The following MARK3 variants were observed in gnomAD, a reference collection of about 807,000 sequenced individuals.
The protein encoded by MARK3 is MAP/microtubule affinity-regulating kinase 3.
MARK3 carries 46 observed loss-of-function variants against 90.1 expected under a neutral mutation model. That is an observed-to-expected ratio of 0.51 (90% CI 0.40 to 0.65). The LOEUF (loss-of-function observed/expected upper bound fraction) is 0.65. MARK3 is among the 30% of genes least tolerant of loss of function. The pLI, the probability that MARK3 is intolerant of heterozygous loss-of-function variation, is 0.00. For missense variants in MARK3, 818 were observed against 947.2 expected (o/e 0.86, Z 1.79); for synonymous variants, 321 against 332.6 (o/e 0.97, Z 0.38).
chr14:103,502,872 TGCATTTCAGTC>T lies in MARK3; in HGVS notation c.1917-6_1921del. On this transcript the variant is annotated splice_acceptor_variant and splice_polypyrimidine_tract_variant and coding_sequence_variant and intron_variant, in exon 18 of 18. Coordinates refer to ENST00000429436, the MANE Select transcript of MARK3 (RefSeq NM_001128918.3). LOFTEE classifies it high-confidence loss of function. ...ACGATTAAAAATAAACCTGCCTCTA[TGCATTTCAGTC>T]GCAATGTATCTGCTGAGCAAAAAGA... The T allele has an allele frequency of 6.2e-7, 1 of 1,600,796 alleles. No individual in the cohort carries two copies. The highest frequency in any genetic ancestry group is 8.5e-7 in the Non-Finnish European group (1 of 1,170,406).
At chr14:103,444,075 G>C (rs2092929269) in intron 3 of MARK3, among the ~76,000 whole-genome samples, 2 of 126,040 alleles carry the variant, frequency 1.6e-5, no homozygotes, top group Admixed American at 1.9e-4. Flanking sequence ...CGTATCGGTT[G>C]GTAAAATTGT....
rs185344416 is a variant in MARK3, at chr14:103,412,399, G to A, written c.243+7132G>A. Reference sequence around the variant, plus strand: ...TTACTGCCTTTGTTAGGCCTATGCCGAGGATTCGTGGGATTTGCTTTATCA... The same window carrying A: ...TTACTGCCTTTGTTAGGCCTATGCCAAGGATTCGTGGGATTTGCTTTATCA... On this transcript the variant is annotated intron_variant, in intron 2 of 17. Coordinates refer to ENST00000429436, the MANE Select transcript of MARK3 (RefSeq NM_001128918.3). 51 of 598,364 alleles carry A rather than the reference G, an allele frequency of 8.5e-5. 1 individual carries two copies. Among genetic ancestry groups the A allele is most frequent in the Admixed American group, 6.8e-4 (27 of 39,640 alleles). 37.1% of individuals were successfully genotyped at this position (598,364 alleles called of 1,614,324 possible). A position where few individuals can be genotyped will look rare whatever the true frequency, so the allele number is the denominator to read the frequency against.
chr14:103,412,974 A>G (rs1401893856), intron 2 of MARK3, among the ~76,000 whole-genome samples: 2 of 151,292 alleles, frequency 1.3e-5, no homozygotes, highest in African/African-American at 4.9e-5. Flanking sequence ...TCCTGGGTTC[A>G]AGCAATTCTC....
intron 3 of MARK3, among the ~76,000 whole-genome samples, chr14:103,445,446 A>G (rs2092970666): frequency 1.3e-5 from 2 of 152,158 alleles, no homozygotes; most frequent in Admixed American, 6.6e-5. Flanking sequence ...CATAATTCCA[A>G]TAGAGAGGTG....
chr14:103,500,094 T>C (rs752232222), intron 16 of MARK3, 62 bp from the exon 17 acceptor site: 29 of 1,301,846 alleles, frequency 2.2e-5, no homozygotes, highest in Non-Finnish European at 3.1e-5. Context: ...GGTCATGTAC[T>C]GGCATGTAAG....
At chr14:103,396,112 CTT>C (rs2090562352) in intron 1 of MARK3, among the ~76,000 whole-genome samples, 1 of 151,970 alleles carries the variant, frequency 6.6e-6, no homozygotes, top group South Asian at 2.1e-4. Flanking sequence ...AGCCCAGAGA[CTT>C]TCCATTTTGC....
At chr14:103,446,833 G>T (rs568589846) in intron 3 of MARK3, among the ~76,000 whole-genome samples, 12 of 147,864 alleles carry the variant, frequency 8.1e-5, no homozygotes, top group African/African-American at 2.8e-4. Flanking sequence ...CAGTTGGGAA[G>T]TAATTGGGAG....
chr14:103,422,727 T>C (rs2092267145), intron 2 of MARK3, among the ~76,000 whole-genome samples: 1 of 152,174 alleles, frequency 6.6e-6, no homozygotes, highest in Admixed American at 6.5e-5. Context: ...TAGAGTATTT[T>C]AATAATAGTG....
At chr14:103,432,159 A>G (rs1180529891) in intron 3 of MARK3, among the ~76,000 whole-genome samples, 1 of 152,240 alleles carries the variant, frequency 6.6e-6, no homozygotes. Context: ...AGACTTTTCA[A>G]TGGAGAATTC....
intron 2 of MARK3, among the ~76,000 whole-genome samples, chr14:103,427,222 A>C (rs1444562405): frequency 6.6e-6 from 1 of 151,252 alleles, no homozygotes; most frequent in Non-Finnish European, 1.5e-5. Flanking sequence ...GAAACAGGCC[A>C]GGCGCTGTGG....
At chr14:103,460,480 T>A (rs950377630) in intron 6 of MARK3, among the ~76,000 whole-genome samples, 3 of 152,170 alleles carry the variant, frequency 2.0e-5, no homozygotes, top group African/African-American at 4.8e-5. Context: ...TTAGGTTAAA[T>A]CATAGTTTAA....
intron 1 of MARK3, among the ~76,000 whole-genome samples, chr14:103,403,176 A>G (rs543002315): frequency 1.3e-5 from 2 of 152,312 alleles, no homozygotes; most frequent in East Asian, 1.9e-4. Context: ...TTACATTGCA[A>G]AAAGCTTTTT....
At chr14:103,444,086 C>CTT (rs10676381) in intron 3 of MARK3, among the ~76,000 whole-genome samples, 5,169 of 116,286 alleles carry the variant, frequency 0.044, 454 homozygotes, top group African/African-American at 0.15. Context: ...GTAAAATTGT[C>CTT]TTTTTTTTTT....
At chr14:103,425,770 C>T (rs1162332906) in intron 2 of MARK3, among the ~76,000 whole-genome samples, 4 of 152,194 alleles carry the variant, frequency 2.6e-5, no homozygotes, top group South Asian at 2.1e-4. Flanking sequence ...CGCACACACT[C>T]GTTTTCCCTC....
At chr14:103,420,352 C>T (rs1324825219) in intron 2 of MARK3, among the ~76,000 whole-genome samples, 1 of 152,044 alleles carries the variant, frequency 6.6e-6, no homozygotes, top group African/African-American at 2.4e-5. Flanking sequence ...ACCTCAGCCT[C>T]CTGAGTAGCT....
At chr14:103,440,007 A>G (rs1446656087) in intron 3 of MARK3, among the ~76,000 whole-genome samples, 3 of 151,698 alleles carry the variant, frequency 2.0e-5, no homozygotes, top group Admixed American at 2.0e-4. Flanking sequence ...CTGGTCTCGA[A>G]CTCCTGACTT....
At chr14:103,494,611 C>T (rs1403043269) in intron 15 of MARK3, among the ~76,000 whole-genome samples, 2 of 136,796 alleles carry the variant, frequency 1.5e-5, no homozygotes, top group Non-Finnish European at 3.2e-5. Context: ...AAAAAGGAAA[C>T]AAGATTATCA....
chr14:103,412,961 G>A (rs1010576805), intron 2 of MARK3, among the ~76,000 whole-genome samples: 16 of 150,228 alleles, frequency 1.1e-4, no homozygotes, highest in African/African-American at 3.4e-4. Context: ...CACAACCTCC[G>A]CCTCCTGGGT....
intron 3 of MARK3, among the ~76,000 whole-genome samples, chr14:103,437,605 G>A (rs185354820): frequency 7.2e-5 from 11 of 152,166 alleles, no homozygotes; most frequent in South Asian, 4.2e-4. Flanking sequence ...ATTTTTCATT[G>A]TACCAAGGAC....
Sources: gnomAD v4.1 joint callset for allele counts (sites outside exome capture counted in the v4.1 genomes callset) on GRCh38, gnomAD v4.1.1 for gene constraint, MANE v1.5 for transcripts, NCBI Gene and HGNC (gene_info 2026-07-23, HGNC 2026-07-21) for gene names.